Variants in ADK observed in about 807,000 individuals in gnomAD.
ADK encodes adenosine kinase, also known as N6,N6-dimethyladenosine kinase.
ADK carries 24 observed loss-of-function variants against 44.7 expected under a neutral mutation model. The observed-to-expected ratio is 0.54, with a 90% CI of 0.39 to 0.76. The LOEUF (loss-of-function observed/expected upper bound fraction) is 0.76. Among genes scored for constraint, ADK ranks in the 30% least tolerant of loss-of-function variants. The probability of loss-of-function intolerance (pLI) is 0.00; values close to 1 mark genes in which losing one functional copy is unlikely to be tolerated. For synonymous variants in ADK, 128 were observed against 142.6 expected (o/e 0.90, Z 0.73); for missense variants, 321 against 425.1 (o/e 0.76, Z 2.15).
At chr10:74,391,650 T>TACACACACACACACACACACACACAC (rs1491120125) in intron 4 of ADK, among the ~76,000 whole-genome samples, 1 of 134,650 alleles carries the variant, frequency 7.4e-6, no homozygotes, top group African/African-American at 3.0e-5. Flanking sequence ...GAGGCAAGAA[T>TACACACACACACACACACACACACAC]ATACACACAC....
chr10:74,342,695 G>A (rs368196505), intron 4 of ADK, among the ~76,000 whole-genome samples: 2 of 151,798 alleles, frequency 1.3e-5, no homozygotes, highest in South Asian at 2.1e-4. Flanking sequence ...GGCTGGTCTC[G>A]AACTCTTGGG....
chr10:74,540,712 G>A (rs536895540), intron 7 of ADK, among the ~76,000 whole-genome samples: 20 of 152,080 alleles, frequency 1.3e-4, no homozygotes, highest in Admixed American at 2.6e-4. Context: ...CACCTGCCTC[G>A]GCCTCCCATG....
At chr10:74,632,985 G>C (rs921448256) in intron 9 of ADK, among the ~76,000 whole-genome samples, 1 of 152,008 alleles carries the variant, frequency 6.6e-6, no homozygotes, top group Non-Finnish European at 1.5e-5. Context: ...ACTTCACAGA[G>C]CTCTAGCTCA....
intron 4 of ADK, among the ~76,000 whole-genome samples, chr10:74,332,953 C>T (rs1210485772): frequency 6.6e-6 from 1 of 151,996 alleles, no homozygotes; most frequent in Non-Finnish European, 1.5e-5. Flanking sequence ...TATTTTAGAT[C>T]ATTTTAGATG....
intron 6 of ADK, among the ~76,000 whole-genome samples, chr10:74,470,408 A>G (rs1846525549): frequency 6.6e-6 from 1 of 151,990 alleles, no homozygotes; most frequent in Non-Finnish European, 1.5e-5. Flanking sequence ...TGCGATGAAT[A>G]TGGGTGTGCA....
chr10:74,251,894 C>CTTT lies in ADK; in HGVS notation c.194+27323_194+27325dup, dbSNP rs566363104. Among the ~76,000 whole-genome samples, 909 of 99,432 alleles carry CTTT rather than the reference C, an allele frequency of 9.1e-3. 24 individuals carry two copies. The highest frequency in any genetic ancestry group is 0.017 in the Middle Eastern group (2 of 116). 65.2% of individuals were successfully genotyped at this position (99,432 alleles called of 152,430 possible). ...ACTGCTGTTTTCCTTGTGGCAGATACTTTTTTTTTTTTTTTTTTTTTTGTC... is the reference window on the plus strand; with the variant it reads ...ACTGCTGTTTTCCTTGTGGCAGATACTTTTTTTTTTTTTTTTTTTTTTTTTGTC... On this transcript the variant is annotated intron_variant, in intron 3 of 10. Transcript: ENST00000539909.
intron 4 of ADK, among the ~76,000 whole-genome samples, chr10:74,380,673 G>A (rs945242452): frequency 1.3e-5 from 2 of 152,024 alleles, no homozygotes; most frequent in South Asian, 4.2e-4. Flanking sequence ...CAGGACAATC[G>A]CTTGAACCTG....
At chr10:74,599,644 GC>G (rs1436249440) in intron 8 of ADK, among the ~76,000 whole-genome samples, 3 of 152,134 alleles carry the variant, frequency 2.0e-5, no homozygotes, top group African/African-American at 7.2e-5. Context: ...TAAAACCTCT[GC>G]CTTTAGCTCA....
intron 6 of ADK, among the ~76,000 whole-genome samples, chr10:74,413,240 A>G (rs182218146): frequency 2.6e-5 from 4 of 152,284 alleles, no homozygotes; most frequent in East Asian, 3.9e-4. Flanking sequence ...GCCCCTAAAA[A>G]AAAAAGAGTC....
At chr10:74,220,233 T>G (rs1162817689) in intron 2 of ADK, among the ~76,000 whole-genome samples, 2 of 151,828 alleles carry the variant, frequency 1.3e-5, no homozygotes, top group Non-Finnish European at 2.9e-5. Flanking sequence ...CAGAGAATAC[T>G]ACAAATACCT....
rs1845217676 is a variant in ADK at position 74,241,739 on chromosome 10, GTC to G, written c.194+17151_194+17152del. 2.0e-5 allele frequency among the ~76,000 whole-genome samples: 3 copies of G among 152,164 alleles called. No homozygotes were observed. In the South Asian group the frequency reaches 6.2e-4, roughly 32 times the overall value. On this transcript the variant is annotated intron_variant, in intron 3 of 10. Transcript: ENST00000539909. ...ATTGATTGAGACAAGGCCTTGCTCT[GTC>G]TCCCAGGCTGGAGTGCAGTGATGCA...
At chr10:74,401,567 CT>C (rs958726444) in intron 6 of ADK, among the ~76,000 whole-genome samples, 1,998 of 144,790 alleles carry the variant, frequency 0.014, 45 homozygotes, top group African/African-American at 0.045. Flanking sequence ...GCAACCCCTG[CT>C]TTTTTTTTTT....
Position 74,151,464 on chromosome 10 carries a change from C to G in ADK, c.65+121C>G. ...TCACTGCCAGCTTGGGGCCAACACG[C>G]AGGACCTCCCCCAGCTGCCCGCTTG... On this transcript the variant is annotated intron_variant, in intron 1 of 10. Transcript: ENST00000539909. 5 of 1,082,228 alleles carry G rather than the reference C, an allele frequency of 4.6e-6. No individual in the cohort carries two copies. In the South Asian group the frequency reaches 6.9e-5, roughly 15 times the overall value. The allele number at this position is 1,082,228 out of a possible 1,614,324, so 67.0% of individuals were successfully genotyped here. A position where few individuals can be genotyped will look rare whatever the true frequency, so the allele number is the denominator to read the frequency against.
chr10:74,291,128 A>T (rs566542174), intron 3 of ADK, among the ~76,000 whole-genome samples: 2 of 152,320 alleles, frequency 1.3e-5, no homozygotes, highest in South Asian at 2.1e-4. Flanking sequence ...ATAAAAATAA[A>T]CAAAAGAGGC....
intron 3 of ADK, among the ~76,000 whole-genome samples, chr10:74,234,760 A>G (rs1013421925): frequency 2.6e-5 from 4 of 152,156 alleles, no homozygotes; most frequent in East Asian, 3.8e-4. Context: ...TTGTGATACT[A>G]GCTCCCTCTG....
intron 6 of ADK, among the ~76,000 whole-genome samples, chr10:74,485,532 C>A (rs111695296): frequency 7.3e-5 from 11 of 151,582 alleles, no homozygotes; most frequent in Non-Finnish European, 7.4e-5. Context: ...AAGGGAAATT[C>A]AAATGTAATC....
At chr10:74,536,978 T>G (rs751469384) in intron 7 of ADK, among the ~76,000 whole-genome samples, 82 of 152,360 alleles carry the variant, frequency 5.4e-4, no homozygotes, top group Middle Eastern at 3.4e-3. Flanking sequence ...AGTATCTGTT[T>G]GAGTTCCTGC....
intron 3 of ADK, among the ~76,000 whole-genome samples, chr10:74,275,612 T>C (rs1228540584): frequency 6.6e-6 from 1 of 152,192 alleles, no homozygotes; most frequent in Non-Finnish European, 1.5e-5. Context: ...CAGCCCAGAC[T>C]ACTACAACTC....
intron 3 of ADK, among the ~76,000 whole-genome samples, chr10:74,240,857 A>G (rs1007249638): frequency 2.0e-5 from 3 of 152,116 alleles, no homozygotes; most frequent in African/African-American, 4.8e-5. Context: ...AACCTTTAAA[A>G]CCCATTGTCA....
Sources: gnomAD v4.1 joint callset for allele counts (sites outside exome capture counted in the v4.1 genomes callset) on GRCh38, gnomAD v4.1.1 for gene constraint, MANE v1.5 for transcripts, NCBI Gene and HGNC (gene_info 2026-07-23, HGNC 2026-07-21) for gene names.